LRP1B: variants seen among roughly 807,000 people sequenced by gnomAD.
The protein encoded by LRP1B is LDL receptor related protein 1B.
LRP1B carries 217 observed loss-of-function variants against 556.6 expected under a neutral mutation model. The observed-to-expected ratio is 0.39, with a 90% CI of 0.35 to 0.44. The LOEUF is 0.44. Ranked by LOEUF, LRP1B falls within the 20% of genes least tolerant of loss-of-function variation. LRP1B has a pLI of 1.00. For missense variants in LRP1B, 5,053 were observed against 5,620.8 expected (o/e 0.90, Z 3.23); for synonymous variants, 2,047 against 1,865.8 (o/e 1.10, Z -2.50).
intron 1 of LRP1B, among the ~76,000 whole-genome samples, chr2:142,128,882 G>T (rs1031808686): frequency 1.3e-5 from 2 of 152,068 alleles, no homozygotes; most frequent in African/African-American, 4.8e-5. Context: ...AAGTTGTGGG[G>T]TCTGTATTTT....
intron 2 of LRP1B, among the ~76,000 whole-genome samples, chr2:141,504,482 T>C (rs1211175538): frequency 2.6e-5 from 4 of 152,098 alleles, no homozygotes; most frequent in Admixed American, 6.5e-5. Context: ...CAGAAATAAC[T>C]CATACTAAGT....
intron 13 of LRP1B, among the ~76,000 whole-genome samples, chr2:141,014,049 A>G (rs930310307): frequency 2.0e-5 from 3 of 152,028 alleles, no homozygotes; most frequent in Non-Finnish European, 2.9e-5. Flanking sequence ...TGCAAATACT[A>G]AAATGAATTT....
chr2:142,088,175 T>C (rs1706015959), intron 1 of LRP1B, among the ~76,000 whole-genome samples: 1 of 152,148 alleles, frequency 6.6e-6, no homozygotes, highest in African/African-American at 2.4e-5. Flanking sequence ...CTCATGTTCA[T>C]TTTTAAATTT....
At chr2:141,699,245 T>A (rs533753398) in intron 2 of LRP1B, among the ~76,000 whole-genome samples, 1 of 151,966 alleles carries the variant, frequency 6.6e-6, no homozygotes, top group South Asian at 2.1e-4. Context: ...ACTGATTGGG[T>A]CCCCAGTAGT....
intron 35 of LRP1B, among the ~76,000 whole-genome samples, chr2:140,719,288 C>A (rs1425243941): frequency 6.6e-6 from 1 of 151,810 alleles, no homozygotes; most frequent in African/African-American, 2.4e-5. Flanking sequence ...CATTAAGGAA[C>A]AGAAGGTATA....
chr2:141,279,252 T>A (rs1199444024), intron 3 of LRP1B, among the ~76,000 whole-genome samples: 1 of 151,104 alleles, frequency 6.6e-6, no homozygotes, highest in Non-Finnish European at 1.5e-5. Context: ...GTAATTCTTA[T>A]AATGTTAAAT....
chr2:141,986,485 T>C (rs1702189903), intron 1 of LRP1B, among the ~76,000 whole-genome samples: 2 of 151,928 alleles, frequency 1.3e-5, no homozygotes, highest in African/African-American at 4.8e-5. Flanking sequence ...CTATTTTTTT[T>C]CTTTATATTT....
intron 2 of LRP1B, among the ~76,000 whole-genome samples, chr2:141,674,183 C>G (rs557329188): frequency 3.3e-5 from 5 of 152,130 alleles, no homozygotes; most frequent in Non-Finnish European, 7.4e-5. Flanking sequence ...ATAAAATATA[C>G]AATGTTTTAA....
chr2:140,867,482 A>C, intron 27 of LRP1B, 108 bp downstream of exon 27: 1 of 1,254,016 alleles, frequency 8.0e-7, no homozygotes, highest in Non-Finnish European at 1.1e-6. Context: ...GTATGCGTAA[A>C]ATGTCAATAA....
chr2:141,627,426 C>T (rs1424202397), intron 2 of LRP1B, among the ~76,000 whole-genome samples: 1 of 152,202 alleles, frequency 6.6e-6, no homozygotes, highest in Non-Finnish European at 1.5e-5. Context: ...AGCCCCCTGG[C>T]AGTAGACTAG....
intron 2 of LRP1B, among the ~76,000 whole-genome samples, chr2:141,787,402 C>A (rs1185080244): frequency 6.6e-6 from 1 of 151,826 alleles, no homozygotes; most frequent in African/African-American, 2.4e-5. Context: ...GAATACAATT[C>A]ATCAATACAA....
intron 43 of LRP1B, among the ~76,000 whole-genome samples, chr2:140,588,922 G>A (rs1042521658): frequency 2.9e-5 from 4 of 140,328 alleles, no homozygotes; most frequent in Non-Finnish European, 4.5e-5. Flanking sequence ...ACTGCACCAC[G>A]CACTCCATCC....
intron 58 of LRP1B, among the ~76,000 whole-genome samples, chr2:140,486,598 AT>A (rs1161214229): frequency 2.0e-5 from 3 of 151,930 alleles, no homozygotes; most frequent in Admixed American, 6.6e-5. Flanking sequence ...TCTTAAAAAA[AT>A]ATAAAGGTAA....
At chr2:140,861,337 G>A (rs1456776407) in intron 27 of LRP1B, among the ~76,000 whole-genome samples, 2 of 152,206 alleles carry the variant, frequency 1.3e-5, no homozygotes, top group Non-Finnish European at 1.5e-5. Flanking sequence ...AACCTGGGAG[G>A]CGGAGGTTGC....
intron 66 of LRP1B, among the ~76,000 whole-genome samples, chr2:140,412,482 A>G (rs35154769): frequency 0.088 from 13,337 of 152,142 alleles, 689 homozygotes; most frequent in Middle Eastern, 0.14. Context: ...TGTCAAATGA[A>G]AACAGAATAT....
In LRP1B at chr2:141,292,552, G is replaced by A. The variant is rs1017064268; in HGVS notation, c.344-37911C>T. 5.9e-5 allele frequency among the ~76,000 whole-genome samples: 9 copies of A among 152,090 alleles called. No homozygotes were observed. In the South Asian group the frequency reaches 6.2e-4, roughly 10 times the overall value. ...GGAACTTGACAAATATACCTCAGCC[G>A]GGTGATTAAAGTCTATATCGAAAAT... On this transcript the variant is annotated intron_variant, in intron 3 of 90. Transcript: ENST00000389484.
intron 14 of LRP1B, among the ~76,000 whole-genome samples, chr2:141,005,958 G>T (rs930622237): frequency 6.6e-6 from 1 of 151,986 alleles, no homozygotes; most frequent in African/African-American, 2.4e-5. Context: ...ACCCAAAAAT[G>T]AGCAGGCTTG....
chr2:140,257,097 T>C (rs1681728193), intron 86 of LRP1B, among the ~76,000 whole-genome samples: 1 of 152,110 alleles, frequency 6.6e-6, no homozygotes, highest in African/African-American at 2.4e-5. Context: ...CAAATTTTGC[T>C]GGTAAGCATA....
chr2:140,554,878 G>C (rs1194786764), intron 43 of LRP1B, among the ~76,000 whole-genome samples: 1 of 133,670 alleles, frequency 7.5e-6, no homozygotes, highest in Non-Finnish European at 1.7e-5. Context: ...GTGTGTGTGT[G>C]TGTGTGTATA....
Sources: allele counts gnomAD v4.1 joint callset (sites outside exome capture counted in the v4.1 genomes callset), GRCh38; gene constraint gnomAD v4.1.1; transcripts MANE v1.5; gene names NCBI Gene and HGNC (gene_info 2026-07-23, HGNC 2026-07-21).